The following MSRA variants were observed in gnomAD, a reference collection of about 807,000 sequenced individuals.
The protein encoded by MSRA is mitochondrial peptide methionine sulfoxide reductase.
In MSRA, 54 loss-of-function variants were observed where a neutral mutation model predicts 31.3. The observed-to-expected ratio is 1.73, with a 90% CI of 1.39 to 2.17. The LOEUF is 2.17. Ranked by LOEUF, MSRA falls within the 30% of genes most tolerant of loss-of-function variation. The probability of loss-of-function intolerance (pLI) is 0.00; values close to 1 mark genes in which losing one functional copy is unlikely to be tolerated. For synonymous variants in MSRA, 169 were observed against 116.5 expected (o/e 1.45, Z -2.90); for missense variants, 507 against 300.9 (o/e 1.69, Z -5.07).
chr8:10,382,656 G>A (rs1309864695), intron 5 of MSRA, among the ~76,000 whole-genome samples: 1 of 152,144 alleles, frequency 6.6e-6, no homozygotes, highest in Non-Finnish European at 1.5e-5. Flanking sequence ...CAGTTACTGA[G>A]GCAAACACCT....
intron 1 of MSRA, among the ~76,000 whole-genome samples, chr8:10,113,067 C>T (rs899044666): frequency 6.6e-6 from 1 of 152,104 alleles, no homozygotes; most frequent in Non-Finnish European, 1.5e-5. Context: ...CACAGGTATC[C>T]TCCAAGAGCG....
At chr8:10,261,560 T>C (rs755743425) in intron 3 of MSRA, among the ~76,000 whole-genome samples, 4 of 151,998 alleles carry the variant, frequency 2.6e-5, no homozygotes, top group Non-Finnish European at 5.9e-5. Flanking sequence ...GGACTTTAAT[T>C]TTTAGAGCAA....
At chr8:10,104,938 A>C (rs948058228) in intron 1 of MSRA, among the ~76,000 whole-genome samples, 15 of 152,152 alleles carry the variant, frequency 9.9e-5, no homozygotes, top group African/African-American at 3.4e-4. Context: ...CTGTATCTTC[A>C]CCAACAGTTG....
intron 5 of MSRA, among the ~76,000 whole-genome samples, chr8:10,333,709 C>T (rs971958798): frequency 2.0e-5 from 3 of 151,750 alleles, no homozygotes; most frequent in African/African-American, 7.3e-5. Flanking sequence ...TCCCCCAGGA[C>T]GCTTCTCAGA....
chr8:10,342,646 C>G (rs1269769193), intron 5 of MSRA, among the ~76,000 whole-genome samples: 2 of 152,190 alleles, frequency 1.3e-5, no homozygotes, highest in Non-Finnish European at 2.9e-5. Context: ...GGGGCAGGGT[C>G]TTAGGGAAGG....
rs1162459139 is a variant in MSRA at position 10,210,614 on chromosome 8, CT to C, written c.211+2715del. ...GTATTATTAATGCACAGGAGGATGT[CT>C]TACATTCCCTTGACTGTGAGTTCAT... On this transcript the variant is annotated intron_variant, in intron 2 of 5. Transcript: ENST00000317173. 4.6e-5 allele frequency among the ~76,000 whole-genome samples: 7 copies of C among 152,286 alleles called. No individual in the cohort carries two copies. The South Asian group carries it at 1.4e-3, about 32-fold the overall frequency.
chr8:10,281,735 T>G (rs1799634535), intron 3 of MSRA, among the ~76,000 whole-genome samples: 1 of 152,162 alleles, frequency 6.6e-6, no homozygotes, highest in Non-Finnish European at 1.5e-5. Context: ...TTTATTCTCT[T>G]TGCCAGAAAC....
intron 5 of MSRA, among the ~76,000 whole-genome samples, chr8:10,323,941 C>T (rs1802211305): frequency 6.6e-6 from 1 of 152,216 alleles, no homozygotes; most frequent in Admixed American, 6.5e-5. Context: ...ACTCAGGGGA[C>T]AAATGCTGTC....
At chr8:10,187,450 G>A (rs1201968068) in intron 1 of MSRA, among the ~76,000 whole-genome samples, 1 of 152,176 alleles carries the variant, frequency 6.6e-6, no homozygotes, top group African/African-American at 2.4e-5. Context: ...TGTATGTTAG[G>A]AAGCTTACTA....
intron 1 of MSRA, among the ~76,000 whole-genome samples, chr8:10,154,667 G>A (rs891314062): frequency 2.0e-5 from 3 of 151,974 alleles, no homozygotes; most frequent in Admixed American, 6.6e-5. Context: ...ATGAGCCACC[G>A]CGTCCAGCCA....
chr8:10,095,058 A>G (rs1007989777), intron 1 of MSRA, among the ~76,000 whole-genome samples: 1 of 152,240 alleles, frequency 6.6e-6, no homozygotes, highest in Non-Finnish European at 1.5e-5. Flanking sequence ...ATAAAGCATG[A>G]CATTTCTGGG....
chr8:10,159,610 A>G (rs1804466553), intron 1 of MSRA, among the ~76,000 whole-genome samples: 1 of 152,182 alleles, frequency 6.6e-6, no homozygotes, highest in African/African-American at 2.4e-5. Context: ...GCAGGATAAC[A>G]TCTCTGTCAA....
Position 10,054,657 on chromosome 8 carries a change from G to T in MSRA, c.141G>T (p.Ala47=), listed in dbSNP as rs372906730. The T allele has an allele frequency of 2.3e-5, 36 of 1,549,070 alleles. No individual in the cohort carries two copies. The highest frequency in any genetic ancestry group is 3.0e-5 in the Non-Finnish European group (35 of 1,147,818). Residue 47 remains alanine, a splice_region_variant and synonymous_variant, in exon 1 of 6, where the codon GCG becomes GCT. Transcript: ENST00000317173. ...GCCGGAAGGAACAGACCCCTGTAGC[G>T]GGTAAGCACTGGCCACACGGAAGGC... ...LPGRKEQTPV[A]AKHHVNGNRT...
intron 2 of MSRA, among the ~76,000 whole-genome samples, chr8:10,225,880 G>C (rs1483197992): frequency 6.6e-6 from 1 of 152,204 alleles, no homozygotes; most frequent in Admixed American, 6.5e-5. Flanking sequence ...GGAGGAAAAT[G>C]GTTGGGAGAT....
At chr8:10,280,425 A>G (rs1799560620) in intron 3 of MSRA, among the ~76,000 whole-genome samples, 2 of 152,192 alleles carry the variant, frequency 1.3e-5, no homozygotes, top group Admixed American at 1.3e-4. Flanking sequence ...TAGCAGCTCC[A>G]TTATAATTCA....
chr8:10,340,560 A>G (rs1803362168), intron 5 of MSRA, among the ~76,000 whole-genome samples: 1 of 152,196 alleles, frequency 6.6e-6, no homozygotes, highest in African/African-American at 2.4e-5. Flanking sequence ...TTTGGTAGAG[A>G]CAGGGCCTCG....
At chr8:10,275,055 A>T (rs6984840) in intron 3 of MSRA, among the ~76,000 whole-genome samples, 2 of 151,736 alleles carry the variant, frequency 1.3e-5, no homozygotes, top group Non-Finnish European at 2.9e-5. Flanking sequence ...TGACGTGCAA[A>T]TGCATTATTT....
At chr8:10,380,574 GATAGAA>G (rs1806007535) in intron 5 of MSRA, among the ~76,000 whole-genome samples, 1 of 152,230 alleles carries the variant, frequency 6.6e-6, no homozygotes, top group Non-Finnish European at 1.5e-5. Flanking sequence ...GACAGTCCAA[GATAGAA>G]ATATGCAGTT....
chr8:10,397,509 T>C (rs990295363), intron 5 of MSRA, among the ~76,000 whole-genome samples: 2 of 152,180 alleles, frequency 1.3e-5, no homozygotes, highest in African/African-American at 4.8e-5. Flanking sequence ...TGCTCTTCTT[T>C]GGGAGTGTTC....
Sources: gnomAD v4.1 joint callset for allele counts (sites outside exome capture counted in the v4.1 genomes callset) on GRCh38, gnomAD v4.1.1 for gene constraint, MANE v1.5 for transcripts, NCBI Gene and HGNC (gene_info 2026-07-23, HGNC 2026-07-21) for gene names.